Variants in SIAH1 observed in about 807,000 individuals in gnomAD.
The protein encoded by SIAH1 is E3 ubiquitin-protein ligase SIAH1.
A neutral mutation model predicts 20.0 loss-of-function variants in SIAH1; 2 were observed. The ratio of observed to expected loss-of-function variants is 0.10; its 90% CI spans 0.04 to 0.31. The LOEUF is 0.31. Among genes scored for constraint, SIAH1 ranks in the 10% least tolerant of loss-of-function variants. The pLI, the probability that SIAH1 is intolerant of heterozygous loss-of-function variation, is 1.00. For missense variants in SIAH1, 119 were observed against 355.3 expected (o/e 0.33, Z 5.35); for synonymous variants, 118 against 125.3 (o/e 0.94, Z 0.39).
At chr16:48,384,882 G>A (rs1410182609) in intron 1 of SIAH1, among the ~76,000 whole-genome samples, 1 of 144,106 alleles carries the variant, frequency 6.9e-6, no homozygotes, top group Non-Finnish European at 1.6e-5. Flanking sequence ...TCCCGGGCGC[G>A]CGGGGGCCGG....
chr16:48,374,862 TACTA>T (rs1282887306), intron 1 of SIAH1, among the ~76,000 whole-genome samples: 6 of 152,340 alleles, frequency 3.9e-5, no homozygotes, highest in African/African-American at 1.2e-4. Context: ...ACTGCAGTGT[TACTA>T]ACTAAATTAG....
intron 1 of SIAH1, chr16:48,365,619 A>G (rs1167998316): frequency 2.1e-6 from 3 of 1,446,742 alleles, no homozygotes; most frequent in Non-Finnish European, 2.7e-6. Context: ...CAGAAGCACC[A>G]GTTACAGAGG....
chr16:48,376,545 G>A (rs765776973), intron 1 of SIAH1, among the ~76,000 whole-genome samples: 4 of 152,036 alleles, frequency 2.6e-5, no homozygotes. Flanking sequence ...AGGCTGGAGT[G>A]CAGTGGTGCA....
At chr16:48,385,943 G>A (rs1291018444), upstream of SIAH1, among the ~76,000 whole-genome samples, 2 of 152,310 alleles carry the variant, frequency 1.3e-5, no homozygotes, top group East Asian at 3.9e-4. Context: ...CCTAAAGAGA[G>A]TCCCAGCCTC....
At chr16:48,384,512 T>C (rs900574239) in intron 1 of SIAH1, among the ~76,000 whole-genome samples, 1 of 152,156 alleles carries the variant, frequency 6.6e-6, no homozygotes, top group Non-Finnish European at 1.5e-5. Context: ...AAGCTAGAGC[T>C]TCCCCGGCAC....
intron 1 of SIAH1, among the ~76,000 whole-genome samples, chr16:48,375,771 TCATGTATGTATG>T (rs1285568591): frequency 6.6e-6 from 1 of 152,258 alleles, no homozygotes. Flanking sequence ...GTATATATTT[TCATGTATGTATG>T]CATGTATGTA....
chr16:48,385,734 C>G (rs1273919024), upstream of SIAH1, among the ~76,000 whole-genome samples: 1 of 152,048 alleles, frequency 6.6e-6, no homozygotes, highest in Non-Finnish European at 1.5e-5. Flanking sequence ...CGCTTTGTTC[C>G]GGGGCCGCGT....
At chr16:48,378,563 AG>A (rs1961173253) in intron 1 of SIAH1, among the ~76,000 whole-genome samples, 1 of 152,222 alleles carries the variant, frequency 6.6e-6, no homozygotes, top group Admixed American at 6.5e-5. Context: ...ACATGATTTG[AG>A]CACTTTTTCC....
upstream of SIAH1, among the ~76,000 whole-genome samples, chr16:48,386,380 G>T (rs1385541469): frequency 6.6e-6 from 1 of 152,068 alleles, no homozygotes; most frequent in African/African-American, 2.4e-5. Context: ...GGTGGTGCAC[G>T]CCTGTAGTCC....
At chr16:48,370,805 C>CA (rs79073186) in intron 1 of SIAH1, among the ~76,000 whole-genome samples, 8,387 of 125,102 alleles carry the variant, frequency 0.067, 274 homozygotes, top group African/African-American at 0.1. Flanking sequence ...GACTCCATCT[C>CA]AAAAAAAAAA....
Position 48,362,443 on chromosome 16 carries a change from C to A in SIAH1, c.-2-13G>T, listed in dbSNP as rs1401930026. ...TGACGGCTCATTTCTGAAATAAATA[C>A]ATAAGGAGGCAGGAGAAAAATAATT... On this transcript the variant is annotated splice_polypyrimidine_tract_variant and intron_variant, in intron 1 of 1. Transcript: ENST00000394725. This position sits in a 1 kb window ranked among gnomAD's most constrained non-coding sequence, Gnocchi z 4.2. The A allele has an allele frequency of 6.2e-7, 1 of 1,611,962 alleles. No individual in the cohort carries two copies. Among genetic ancestry groups the A allele is most frequent in the East Asian group, 2.2e-5 (1 of 44,872 alleles).
chr16:48,379,866 G>T (rs1961221949), intron 1 of SIAH1, among the ~76,000 whole-genome samples: 2 of 152,276 alleles, frequency 1.3e-5, no homozygotes, highest in African/African-American at 4.8e-5. Flanking sequence ...AATGGCAGGG[G>T]AGTAACAAGA....
intron 1 of SIAH1, among the ~76,000 whole-genome samples, chr16:48,364,095 G>C (rs973398967): frequency 1.3e-5 from 2 of 151,508 alleles, no homozygotes; most frequent in African/African-American, 2.4e-5. Context: ...GATTACAGGG[G>C]CCCGCCACCA....
At chr16:48,366,059 A>T (rs1402701096) in intron 1 of SIAH1, among the ~76,000 whole-genome samples, 1 of 151,878 alleles carries the variant, frequency 6.6e-6, no homozygotes, top group African/African-American at 2.4e-5. Flanking sequence ...CCCGCCCCCC[A>T]GCCAAAGGCC....
At chr16:48,364,161 C>T (rs112953954) in intron 1 of SIAH1, among the ~76,000 whole-genome samples, 7,015 of 151,746 alleles carry the variant, frequency 0.046, 229 homozygotes, top group Middle Eastern at 0.15. Context: ...TGGCTGGTCT[C>T]GAACTCCTGA....
At chr16:48,384,243 GTC>G (rs971422652) in intron 1 of SIAH1, among the ~76,000 whole-genome samples, 2 of 152,050 alleles carry the variant, frequency 1.3e-5, no homozygotes, top group Non-Finnish European at 2.9e-5. Flanking sequence ...CAGTATCCAT[GTC>G]TCTCTGTTTG....
rs1172505795 is a variant in SIAH1 at position 48,362,764 on chromosome 16, G to A, written c.-2-334C>T. 2 of 230,470 alleles carry A rather than the reference G, an allele frequency of 8.7e-6. No homozygotes were observed. The highest frequency in any genetic ancestry group is 1.9e-5 in the Non-Finnish European group (2 of 107,982). The allele number at this position is 230,470 out of a possible 1,614,324, so 14.3% of individuals were successfully genotyped here. On this transcript the variant is annotated intron_variant, in intron 1 of 1. Transcript: ENST00000394725. The surrounding 1 kb of genome is among the most constrained non-coding windows in gnomAD (Gnocchi z 4.2). ...AACTAAAGAAACTATACAAGGAACT[G>A]AAGTTTAATCGAATCCGTTTTGCTA...
chr16:48,360,590 TG>T lies in SIAH1; in HGVS notation c.*989del, dbSNP rs1960544643. 1 of 152,818 alleles carries T rather than the reference TG, an allele frequency of 6.5e-6. No individual in the cohort carries two copies. Among genetic ancestry groups the T allele is most frequent in the Admixed American group, 6.5e-5 (1 of 15,306 alleles). The allele number at this position is 152,818 out of a possible 1,614,324, so 9.5% of individuals were successfully genotyped here. Reference sequence around the variant, plus strand: ...ATTATAAAAGACCAAAAACATTTTTTGCAAACTGCCTTTTTAAACAAATGAT... The same window carrying T: ...ATTATAAAAGACCAAAAACATTTTTTCAAACTGCCTTTTTAAACAAATGAT... On this transcript the variant is annotated 3_prime_UTR_variant, in exon 2 of 2. Transcript: ENST00000394725.
intron 1 of SIAH1, among the ~76,000 whole-genome samples, chr16:48,370,532 A>G (rs1019198175): frequency 6.6e-6 from 1 of 152,176 alleles, no homozygotes; most frequent in South Asian, 2.1e-4. Flanking sequence ...AAGAAAATAG[A>G]TTTCGGCTGG....
Sources: gnomAD v4.1 joint callset for allele counts (sites outside exome capture counted in the v4.1 genomes callset) on GRCh38, gnomAD v4.1.1 for gene constraint, Gnocchi (gnomAD v3.1) non-coding constraint, MANE v1.5 for transcripts, NCBI Gene and HGNC (gene_info 2026-07-23, HGNC 2026-07-21) for gene names.